Variants in USP13 observed in about 807,000 individuals in gnomAD.
USP13 encodes ubiquitin carboxyl-terminal hydrolase 13.
In USP13, 68 loss-of-function variants were observed where a neutral mutation model predicts 107.8. That is an observed-to-expected ratio of 0.63 (90% confidence interval 0.52 to 0.77). USP13 has a LOEUF of 0.77. USP13 is among the 30% of genes least tolerant of loss of function. The pLI, the probability that USP13 is intolerant of heterozygous loss-of-function variation, is 0.00. For synonymous variants in USP13, 377 were observed against 389.5 expected, an observed-to-expected ratio of 0.97 and a Z score of 0.38; for missense variants, 945 against 1,093.3, an observed-to-expected ratio of 0.86 and a Z score of 1.91.
chr3:179,743,146 C>T (rs886121012), intron 12 of USP13, among the ~76,000 whole-genome samples: 3 of 152,128 alleles, frequency 2.0e-5, no homozygotes, highest in South Asian at 2.1e-4. Flanking sequence ...AGCAAACTAA[C>T]ACAGGAACAG....
In USP13 at chr3:179,743,307, C is replaced by A. The variant is rs1200458584; in HGVS notation, c.1534+957C>A. Among the ~76,000 whole-genome samples, 16 of 152,070 alleles carry A rather than the reference C, an allele frequency of 1.1e-4. No individual in the cohort carries two copies. The East Asian group carries it at 2.7e-3, about 26-fold the overall frequency. ...AGGACAGGTCAGTAGGTGCAGCAAA[C>A]CGCCACGGCACACATATACTTATGT... is the stretch of plus-strand genomic sequence containing the variant. On this transcript the variant is annotated intron_variant, in intron 12 of 20. Coordinates refer to ENST00000263966, the MANE Select transcript of USP13 (RefSeq NM_003940.3).
At chr3:179,753,401 G>T (rs1714679438) in intron 14 of USP13, among the ~76,000 whole-genome samples, 1 of 152,170 alleles carries the variant, frequency 6.6e-6, no homozygotes, top group African/African-American at 2.4e-5. Context: ...TGACCACTCA[G>T]CTTTTCTTCC....
At chr3:179,689,622 C>T (rs1712031368) in intron 2 of USP13, among the ~76,000 whole-genome samples, 1 of 151,282 alleles carries the variant, frequency 6.6e-6, no homozygotes, top group African/African-American at 2.4e-5. Context: ...TGCGCCACTG[C>T]ACTCCAGCCT....
intron 10 of USP13, among the ~76,000 whole-genome samples, chr3:179,732,685 A>G (rs1713848502): frequency 6.6e-6 from 1 of 152,064 alleles, no homozygotes; most frequent in Non-Finnish European, 1.5e-5. Flanking sequence ...AAAAATCATC[A>G]ATTTAGTGCT....
At chr3:179,673,154 G>A (rs902772326) in intron 1 of USP13, among the ~76,000 whole-genome samples, 2 of 152,132 alleles carry the variant, frequency 1.3e-5, no homozygotes, top group African/African-American at 4.8e-5. Context: ...TTTTCTATGC[G>A]TGGCCATGAG....
At chr3:179,703,557 C>A (rs896512514) in intron 4 of USP13, among the ~76,000 whole-genome samples, 2 of 152,080 alleles carry the variant, frequency 1.3e-5, no homozygotes, top group African/African-American at 4.8e-5. Context: ...GGAATTGGAG[C>A]AGTGGTGTGC....
At chr3:179,728,448 A>G (rs987332747) in intron 8 of USP13, among the ~76,000 whole-genome samples, 4 of 137,690 alleles carry the variant, frequency 2.9e-5, no homozygotes, top group Admixed American at 2.1e-4. Context: ...GGCGCTCCTC[A>G]CTTCCTAGAT....
intron 6 of USP13, among the ~76,000 whole-genome samples, chr3:179,719,428 G>A (rs1713226763): frequency 6.6e-6 from 1 of 152,294 alleles, no homozygotes; most frequent in African/African-American, 2.4e-5. Flanking sequence ...GAGGCGGTGA[G>A]TGGTAGGTTT....
chr3:179,686,933 A>G (rs375491863), intron 2 of USP13, among the ~76,000 whole-genome samples: 98 of 152,282 alleles, frequency 6.4e-4, no homozygotes, highest in Admixed American at 3.9e-3. Context: ...TTTCACCAAC[A>G]TCTCTTCCTT....
intron 14 of USP13, among the ~76,000 whole-genome samples, chr3:179,754,058 G>C (rs1444960610): frequency 6.6e-6 from 1 of 152,170 alleles, no homozygotes; most frequent in East Asian, 1.9e-4. Context: ...ATCATCAAAT[G>C]GGGTTGCAAA....
chr3:179,750,407 A>G (rs1418112433), intron 13 of USP13, among the ~76,000 whole-genome samples: 1 of 149,660 alleles, frequency 6.7e-6, no homozygotes, highest in Non-Finnish European at 1.5e-5. Flanking sequence ...GGACTTGGTG[A>G]CATTTAAATA....
At chr3:179,736,922 A>G (rs865796101) in intron 10 of USP13, among the ~76,000 whole-genome samples, 1 of 152,250 alleles carries the variant, frequency 6.6e-6, no homozygotes, top group Non-Finnish European at 1.5e-5. Context: ...ATCACAGATT[A>G]TAAGAAATAA....
intron 4 of USP13, among the ~76,000 whole-genome samples, chr3:179,703,790 A>C (rs1712617645): frequency 6.6e-6 from 1 of 152,240 alleles, no homozygotes; most frequent in Non-Finnish European, 1.5e-5. Context: ...CACATAGATA[A>C]TAATGAGATA....
chr3:179,741,017 G>A lies in USP13; in HGVS notation c.1380+645G>A, dbSNP rs534226256. Among the ~76,000 whole-genome samples, 6 of 151,768 alleles carry A rather than the reference G, an allele frequency of 4.0e-5. No homozygotes were observed. The East Asian group carries it at 7.8e-4, about 20-fold the overall frequency. The stretch of plus-strand genomic sequence containing the variant: ...CCTGACCTTGTGATCCACCCGCCTC[G>A]GCCTCCCAAAGTGCTGGGATTACAG... On this transcript the variant is annotated intron_variant, in intron 11 of 20. Coordinates refer to ENST00000263966, the MANE Select transcript of USP13 (RefSeq NM_003940.3).
intron 3 of USP13, among the ~76,000 whole-genome samples, chr3:179,694,531 G>A (rs1383947222): frequency 4.6e-5 from 7 of 152,006 alleles, no homozygotes; most frequent in South Asian, 2.1e-4. Flanking sequence ...GGCCGGGCGC[G>A]GTGGCTCATG....
At chr3:179,757,797 CT>C (rs1190366099) in intron 16 of USP13, among the ~76,000 whole-genome samples, 3 of 152,184 alleles carry the variant, frequency 2.0e-5, no homozygotes, top group Non-Finnish European at 4.4e-5. Flanking sequence ...TCTATGTCTC[CT>C]TTCTTGAAAC....
At chr3:179,724,191 C>T (rs1348972689) in intron 8 of USP13, among the ~76,000 whole-genome samples, 2 of 151,952 alleles carry the variant, frequency 1.3e-5, no homozygotes, top group African/African-American at 4.8e-5. Flanking sequence ...GGTGCAGTGG[C>T]TCACGCCTGT....
intron 13 of USP13, among the ~76,000 whole-genome samples, chr3:179,747,007 T>G (rs185327723): frequency 2.0e-5 from 3 of 152,370 alleles, no homozygotes; most frequent in African/African-American, 7.2e-5. Flanking sequence ...GTTAAAATTA[T>G]TTTTAAAAAG....
intron 3 of USP13, among the ~76,000 whole-genome samples, chr3:179,699,699 C>CA (rs10646420): frequency 0.21 from 24,205 of 118,070 alleles, 4,487 homozygotes; most frequent in Non-Finnish European, 0.22. Context: ...CACCCTGCCT[C>CA]AAAAAAAAAA....
Sources: allele counts gnomAD v4.1 joint callset (sites outside exome capture counted in the v4.1 genomes callset), GRCh38; gene constraint gnomAD v4.1.1; transcripts MANE v1.5; gene names NCBI Gene and HGNC (gene_info 2026-07-23, HGNC 2026-07-21).